F13A1: variants seen among roughly 807,000 people sequenced by gnomAD.
F13A1 encodes FSF, A subunit.
F13A1 carries 47 observed loss-of-function variants against 80.1 expected under a neutral mutation model. The observed-to-expected ratio is 0.59, with a 90% CI of 0.46 to 0.75. The LOEUF is 0.75. F13A1 is among the 30% of genes least tolerant of loss of function. The pLI is 0.00. For synonymous variants in F13A1, 349 were observed against 344.9 expected (o/e 1.01, Z -0.13); for missense variants, 817 against 930.4 (o/e 0.88, Z 1.59).
chr6:6,248,762 A>C (rs1163217598), intron 5 of F13A1, among the ~76,000 whole-genome samples: 3 of 152,364 alleles, frequency 2.0e-5, no homozygotes, highest in East Asian at 1.9e-4. Context: ...CCCAAGAAGA[A>C]GGAATGAATC....
chr6:6,318,467 A>G, intron 2 of F13A1, 68 bp downstream of exon 2: 1 of 1,539,182 alleles, frequency 6.5e-7, no homozygotes, highest in East Asian at 2.3e-5. Context: ...GTTTACCTGC[A>G]GGGAAGAGGG....
intron 8 of F13A1, among the ~76,000 whole-genome samples, chr6:6,205,837 A>T (rs1761477942): frequency 6.6e-6 from 1 of 152,114 alleles, no homozygotes; most frequent in Admixed American, 6.5e-5. Flanking sequence ...AAAATTAAAA[A>T]TTTTCAGAAA....
At chr6:6,161,621 A>G (rs1346288209) in intron 13 of F13A1, among the ~76,000 whole-genome samples, 1 of 151,392 alleles carries the variant, frequency 6.6e-6, no homozygotes, top group Non-Finnish European at 1.5e-5. Flanking sequence ...TCTATGTCTG[A>G]TTGTAATGAA....
chr6:6,227,115 G>A lies in F13A1; in HGVS notation c.799-2255C>T, dbSNP rs572642035. On this transcript the variant is annotated intron_variant, in intron 6 of 14. Transcript: ENST00000264870. ...GAACGAAATAAAAAAAATACTAGAAGAAAACATGCAAGATGTGCAAGCATC... is the reference window on the plus strand; with the variant it reads ...GAACGAAATAAAAAAAATACTAGAAAAAAACATGCAAGATGTGCAAGCATC... 2.0e-5 allele frequency among the ~76,000 whole-genome samples: 3 copies of A among 152,348 alleles called. No homozygotes were observed. The East Asian group carries it at 5.8e-4, about 29-fold the overall frequency.
chr6:6,154,357 AG>A (rs1760437842), intron 13 of F13A1, among the ~76,000 whole-genome samples: 1 of 152,190 alleles, frequency 6.6e-6, no homozygotes, highest in East Asian at 1.9e-4. Context: ...CCTGGTTTGA[AG>A]GCTGTGGCAA....
At chr6:6,240,335 G>A (rs989567266) in intron 6 of F13A1, among the ~76,000 whole-genome samples, 1 of 152,070 alleles carries the variant, frequency 6.6e-6, no homozygotes, top group African/African-American at 2.4e-5. Context: ...TACCATAAGA[G>A]AAAAAAGATA....
chr6:6,271,693 T>C (rs1757924131), intron 3 of F13A1, among the ~76,000 whole-genome samples: 1 of 152,260 alleles, frequency 6.6e-6, no homozygotes, highest in African/African-American at 2.4e-5. Flanking sequence ...TTCACACTTA[T>C]CAAAAACTAG....
intron 8 of F13A1, among the ~76,000 whole-genome samples, chr6:6,198,321 T>G (rs1430678458): frequency 6.6e-6 from 1 of 152,188 alleles, no homozygotes; most frequent in Non-Finnish European, 1.5e-5. Context: ...TGAAAAGACC[T>G]GAAATTATAT....
intron 1 of F13A1, 56 bp from the exon 2 acceptor site, chr6:6,318,738 T>C (rs1449106091): frequency 6.4e-7 from 1 of 1,564,630 alleles, no homozygotes; most frequent in Non-Finnish European, 8.7e-7. Context: ...GTGAGTAACA[T>C]TTGAGACAAG....
intron 3 of F13A1, among the ~76,000 whole-genome samples, chr6:6,278,534 T>A (rs563925940): frequency 6.6e-6 from 1 of 151,388 alleles, no homozygotes; most frequent in East Asian, 1.9e-4. Flanking sequence ...AGCAGGGGAA[T>A]TGGGGGAGGT....
chr6:6,226,675 C>T (rs949399120), intron 6 of F13A1, among the ~76,000 whole-genome samples: 5 of 152,168 alleles, frequency 3.3e-5, no homozygotes, highest in Admixed American at 6.5e-5. Flanking sequence ...AAAAAATCTC[C>T]GTCTTTCTGA....
At chr6:6,161,820 G>A (rs1043602725) in intron 13 of F13A1, among the ~76,000 whole-genome samples, 2 of 152,090 alleles carry the variant, frequency 1.3e-5, no homozygotes, top group Non-Finnish European at 2.9e-5. Flanking sequence ...TCACCACAGG[G>A]ACCAGTAAAA....
intron 4 of F13A1, among the ~76,000 whole-genome samples, chr6:6,256,645 G>A (rs1263676962): frequency 2.0e-5 from 3 of 152,090 alleles, no homozygotes; most frequent in Non-Finnish European, 2.9e-5. Flanking sequence ...AAAATTTGGG[G>A]TGGATTTCAG....
At chr6:6,224,931 C>T (rs1456435823) in intron 6 of F13A1, 71 bp from the exon 7 acceptor site, 45 of 1,519,974 alleles carry the variant, frequency 3.0e-5, no homozygotes, top group East Asian at 1.4e-4. Flanking sequence ...CTATGCATGG[C>T]GCAAGCTATG....
chr6:6,205,981 T>C (rs1012331446), intron 8 of F13A1, among the ~76,000 whole-genome samples: 5 of 152,188 alleles, frequency 3.3e-5, no homozygotes, highest in African/African-American at 1.2e-4. Flanking sequence ...CACTCTGGCA[T>C]AGCAAGCTAG....
At position 6,174,766 on chromosome 6, in the gene F13A1, T is replaced by G. The variant is rs547064561; in HGVS notation, c.1561A>C (p.Met521Leu). 1 of 1,614,208 alleles carries G rather than the reference T, an allele frequency of 6.2e-7. No individual in the cohort carries two copies. The highest frequency in any genetic ancestry group is 1.7e-5 in the Admixed American group (1 of 60,028). ...ACAGCATTTTCCACTTCAAAGTCCATGTCAACGTTGGACCTTGATTTCATG... is the reference window on the plus strand; with the variant it reads ...ACAGCATTTTCCACTTCAAAGTCCAGGTCAACGTTGGACCTTGATTTCATG... ...GVMKSRSNVD[M>L]DFEVENAVLG... The change falls in exon 12 of 15, where the codon ATG becomes CTG. Residue 521 changes from methionine (M) to leucine (L), a missense_variant. Coordinates refer to ENST00000264870, the MANE Select transcript of F13A1 (RefSeq NM_000129.4).
At chr6:6,273,097 G>T (rs1189586444) in intron 3 of F13A1, among the ~76,000 whole-genome samples, 2 of 152,140 alleles carry the variant, frequency 1.3e-5, no homozygotes, top group Non-Finnish European at 2.9e-5. Flanking sequence ...TCCTGCATGA[G>T]ATCCAAGAAC....
chr6:6,156,310 T>C (rs1453409823), intron 13 of F13A1, among the ~76,000 whole-genome samples: 1 of 152,230 alleles, frequency 6.6e-6, no homozygotes, highest in Non-Finnish European at 1.5e-5. Context: ...ACACACATAC[T>C]CTCTTTCTCT....
At chr6:6,258,200 A>T (rs533140859) in intron 4 of F13A1, among the ~76,000 whole-genome samples, 1 of 152,176 alleles carries the variant, frequency 6.6e-6, no homozygotes, top group South Asian at 2.1e-4. Context: ...GGTTAGCCTC[A>T]GTTTGTTTCT....
Sources: allele counts gnomAD v4.1 joint callset (sites outside exome capture counted in the v4.1 genomes callset), GRCh38; gene constraint gnomAD v4.1.1; transcripts MANE v1.5; gene names NCBI Gene and HGNC (gene_info 2026-07-23, HGNC 2026-07-21).